Variants in FBXL5 observed in about 807,000 individuals in gnomAD.
The protein encoded by FBXL5 is F-box/LRR-repeat protein 5.
In FBXL5, 26 loss-of-function variants were observed where a neutral mutation model predicts 78.3. The ratio of observed to expected loss-of-function variants is 0.33; its 90% CI spans 0.24 to 0.46. The LOEUF is 0.46. FBXL5 is among the 20% of genes least tolerant of loss of function. The probability of loss-of-function intolerance (pLI) is 1.00; values close to 1 mark genes in which losing one functional copy is unlikely to be tolerated. For missense variants in FBXL5, 710 were observed against 829.2 expected (o/e 0.86, Z 1.77); for synonymous variants, 295 against 282.5 (o/e 1.04, Z -0.45).
chr4:15,623,862 G>A (rs886340190), intron 9 of FBXL5, among the ~76,000 whole-genome samples: 5 of 150,332 alleles, frequency 3.3e-5, no homozygotes, highest in African/African-American at 9.8e-5. Flanking sequence ...TCGCTCTGTC[G>A]CCCAGGTTGG....
chr4:15,634,463 T>G (rs182581306), intron 5 of FBXL5, among the ~76,000 whole-genome samples: 1 of 152,248 alleles, frequency 6.6e-6, no homozygotes, highest in Non-Finnish European at 1.5e-5. Flanking sequence ...CCTCCCGGGT[T>G]CAAGCAATTC....
upstream of FBXL5, among the ~76,000 whole-genome samples, chr4:15,660,647 T>C (rs537977390): frequency 2.0e-5 from 3 of 152,338 alleles, no homozygotes; most frequent in South Asian, 6.2e-4. Context: ...CTGTAAAGAC[T>C]TGGTCTGGGA....
At chr4:15,676,992 C>T (rs1718017383) in intron 1 of FBXL5, among the ~76,000 whole-genome samples, 1 of 152,060 alleles carries the variant, frequency 6.6e-6, no homozygotes, top group Admixed American at 6.5e-5. Flanking sequence ...AGAAAATAAA[C>T]CACTGAAAGC....
intron 5 of FBXL5, among the ~76,000 whole-genome samples, chr4:15,632,509 T>C (rs1713782472): frequency 6.6e-6 from 1 of 152,212 alleles, no homozygotes; most frequent in Non-Finnish European, 1.5e-5. Flanking sequence ...TTGGGCAGTA[T>C]GGTCATTTTC....
At chr4:15,648,705 G>A (rs1715621699) in intron 1 of FBXL5, among the ~76,000 whole-genome samples, 1 of 152,150 alleles carries the variant, frequency 6.6e-6, no homozygotes. Flanking sequence ...GGTTGTTGGG[G>A]CAGGGGATGG....
Position 15,625,573 on chromosome 4 carries a change from G to T in FBXL5, c.1529C>A (p.Ala510Glu), listed in dbSNP as rs763371701. ...NVESLCVMETASNFSCSTSGC... is the reference protein window; with the variant it reads ...NVESLCVMETESNFSCSTSGC... ...AGAGGTGGAACAACTAAAGTTGGAT[G>T]CTGTTTCCATTACACAAAGACTTTC... The change falls in exon 9 of 11, where the codon GCA becomes GAA. Residue 510 changes from alanine (A) to glutamate (E), a missense_variant. Around this residue, in one of 4 missense-constraint regions of FBXL5, gnomAD observed 517 missense variants for 542.9 expected, o/e 0.95. Coordinates refer to ENST00000341285, the MANE Select transcript of FBXL5 (RefSeq NM_012161.4). 7.4e-6 allele frequency: 12 copies of T among 1,614,060 alleles called. No homozygotes were observed. Among genetic ancestry groups the T allele is most frequent in the Non-Finnish European group, 1.0e-5 (12 of 1,180,046 alleles).
intron 9 of FBXL5, among the ~76,000 whole-genome samples, chr4:15,618,757 G>A (rs901196935): frequency 2.6e-5 from 4 of 152,082 alleles, no homozygotes; most frequent in Admixed American, 1.3e-4. Flanking sequence ...CAGGAAAATC[G>A]CTAGAGCCCA....
At chr4:15,623,908 C>G (rs1484565278) in intron 9 of FBXL5, among the ~76,000 whole-genome samples, 1 of 151,914 alleles carries the variant, frequency 6.6e-6, no homozygotes, top group Non-Finnish European at 1.5e-5. Flanking sequence ...CTGCAAGCTC[C>G]GTCTCCCGGG....
intron 1 of FBXL5, among the ~76,000 whole-genome samples, chr4:15,667,396 T>C (rs1717593316): frequency 6.6e-6 from 1 of 152,198 alleles, no homozygotes; most frequent in Non-Finnish European, 1.5e-5. Context: ...TACCCTCTTA[T>C]TTGACATGTA....
intron 6 of FBXL5, 78 bp downstream of exon 6, chr4:15,630,583 AAATCT>A: frequency 8.0e-7 from 1 of 1,251,046 alleles, no homozygotes; most frequent in South Asian, 2.0e-5. Flanking sequence ...CAAAATACAT[AAATCT>A]AATACCTAAT....
chr4:15,632,235 G>T (rs150389805), intron 5 of FBXL5, among the ~76,000 whole-genome samples: 13,878 of 152,020 alleles, frequency 0.091, 775 homozygotes, highest in Non-Finnish European at 0.12. Flanking sequence ...GATGTGTGGT[G>T]TCATTTCTGA....
intron 9 of FBXL5, among the ~76,000 whole-genome samples, chr4:15,616,018 C>A (rs113212809): frequency 6.6e-6 from 1 of 151,918 alleles, no homozygotes; most frequent in Admixed American, 6.6e-5. Flanking sequence ...CTGAGCCCAG[C>A]GAGACCACGA....
chr4:15,655,898 A>G (rs1215372504), upstream of FBXL5, among the ~76,000 whole-genome samples: 13 of 152,208 alleles, frequency 8.5e-5, no homozygotes, highest in Admixed American at 8.5e-4. Flanking sequence ...GCTCCCACCC[A>G]GCGGTTGGTG....
At position 15,638,511 on chromosome 4, in the gene FBXL5, T is replaced by C. The variant is rs930250103; in HGVS notation, c.580A>G (p.Lys194Glu). ...TCTTTATATATATGAATCTCACCTTTATCTGACTTTTCATCCACGGAATAT... is the reference window on the plus strand; with the variant it reads ...TCTTTATATATATGAATCTCACCTTCATCTGACTTTTCATCCACGGAATAT... ...FKYSVDEKSD[K>E]EAEVSEHSTG... The change falls in exon 4 of 11, where the codon AAA becomes GAA. Residue 194 changes from lysine (K) to glutamate (E), a missense_variant. Coordinates refer to ENST00000341285, the MANE Select transcript of FBXL5 (RefSeq NM_012161.4). 6 of 1,589,304 alleles carry C rather than the reference T, an allele frequency of 3.8e-6. No homozygotes were observed. In the Admixed American group the frequency reaches 5.7e-5, roughly 15 times the overall value.
chr4:15,647,720 T>G (rs1020462990), intron 1 of FBXL5, among the ~76,000 whole-genome samples: 2 of 152,200 alleles, frequency 1.3e-5, no homozygotes, highest in Non-Finnish European at 2.9e-5. Context: ...CCTAGCACAG[T>G]AGTTAAAAGC....
chr4:15,626,836 G>A lies in FBXL5; in HGVS notation c.1124+37C>T, dbSNP rs750635058. The A allele has an allele frequency of 3.6e-6, 5 of 1,398,806 alleles. No individual in the cohort carries two copies. In the Admixed American group the frequency reaches 1.0e-4, roughly 29 times the overall value. The allele number at this position is 1,398,806 out of a possible 1,614,324, so 86.6% of individuals were successfully genotyped here. On this transcript the variant is annotated intron_variant, in intron 8 of 10. Coordinates refer to ENST00000341285, the MANE Select transcript of FBXL5 (RefSeq NM_012161.4). Reference sequence around the variant, plus strand: ...TACATAAATGAAACCTTATAAAATAGTTTTTCATTATATTTAAATTGTTTA... The same window carrying A: ...TACATAAATGAAACCTTATAAAATAATTTTTCATTATATTTAAATTGTTTA...
intron 2 of FBXL5, 26 bp downstream of exon 2, chr4:15,644,467 G>C (rs765191621): frequency 1.3e-6 from 2 of 1,570,642 alleles, no homozygotes; most frequent in African/African-American, 3.0e-5. Flanking sequence ...AGTTTTGACA[G>C]TTGAATATCC....
intron 2 of FBXL5, chr4:15,641,633 A>G: frequency 1.8e-5 from 8 of 449,252 alleles, no homozygotes; most frequent in African/African-American, 2.3e-5. Context: ...GTAGGCTGTA[A>G]GTAAAGTTTT....
chr4:15,635,864 G>T (rs10022610), intron 5 of FBXL5, among the ~76,000 whole-genome samples: 42,423 of 151,324 alleles, frequency 0.28, 6,189 homozygotes, highest in East Asian at 0.47. Flanking sequence ...TGCATTATAT[G>T]TTGATGAAAA....
Sources: allele counts gnomAD v4.1 joint callset (sites outside exome capture counted in the v4.1 genomes callset), GRCh38; gene constraint gnomAD v4.1.1; regional missense constraint gnomAD v4.1.1; transcripts MANE v1.5; gene names NCBI Gene and HGNC (gene_info 2026-07-23, HGNC 2026-07-21).